Variants in TRIOBP observed in about 807,000 individuals in gnomAD.
TRIOBP encodes the protein TRIO and F-actin-binding protein.
Under a neutral mutation model 238.8 loss-of-function variants are expected in TRIOBP, and 169 were observed. The observed-to-expected ratio is 0.71, with a 90% CI of 0.62 to 0.80. TRIOBP has a LOEUF of 0.80. Ranked by LOEUF, TRIOBP falls within the 30% of genes least tolerant of loss-of-function variation. The pLI is 0.00. For missense variants in TRIOBP, 2,838 were observed against 3,122.6 expected (o/e 0.91, Z 2.17); for synonymous variants, 1,150 against 1,274.4 (o/e 0.90, Z 2.08).
intron 17 of TRIOBP, 127 bp downstream of exon 17, chr22:37,759,391 C>A: frequency 7.9e-7 from 1 of 1,260,702 alleles, no homozygotes; most frequent in Non-Finnish European, 1.2e-6. Flanking sequence ...ATTTGACATG[C>A]GTCATCTCAT....
intron 6 of TRIOBP, among the ~76,000 whole-genome samples, chr22:37,719,466 C>T (rs1302520667): frequency 6.6e-6 from 1 of 152,036 alleles, no homozygotes; most frequent in Non-Finnish European, 1.5e-5. Context: ...GCTTCAGATG[C>T]TCAGGGAAGC....
At chr22:37,709,593 C>T (rs1037602687) in intron 3 of TRIOBP, among the ~76,000 whole-genome samples, 11 of 152,170 alleles carry the variant, frequency 7.2e-5, no homozygotes, top group Admixed American at 2.0e-4. Flanking sequence ...CCAGGTAATC[C>T]GAGAGGAGGC....
intron 6 of TRIOBP, among the ~76,000 whole-genome samples, chr22:37,716,200 C>G (rs1038302306): frequency 6.6e-6 from 1 of 151,464 alleles, no homozygotes; most frequent in African/African-American, 2.4e-5. Flanking sequence ...CAACCTTTGC[C>G]TCCCCAGTTC....
chr22:37,708,666 A>G (rs1923078751), intron 3 of TRIOBP, among the ~76,000 whole-genome samples: 1 of 152,248 alleles, frequency 6.6e-6, no homozygotes, highest in Admixed American at 6.5e-5. Context: ...CAGAGAGGAT[A>G]AGTCACGTGG....
chr22:37,718,221 C>T (rs1171405268), intron 6 of TRIOBP, among the ~76,000 whole-genome samples: 1 of 152,242 alleles, frequency 6.6e-6, no homozygotes, highest in Non-Finnish European at 1.5e-5. Context: ...TCGCGCCTCT[C>T]CCTCCACACC....
chr22:37,767,292 G>A (rs1270988292), intron 18 of TRIOBP, among the ~76,000 whole-genome samples: 47 of 69,906 alleles, frequency 6.7e-4, no homozygotes, highest in African/African-American at 1.9e-3. Flanking sequence ...GTGACAGAGT[G>A]AGACTCTGTC....
intron 11 of TRIOBP, among the ~76,000 whole-genome samples, chr22:37,749,183 C>T (rs1458700127): frequency 2.0e-5 from 3 of 151,996 alleles, no homozygotes; most frequent in Non-Finnish European, 4.4e-5. Context: ...GGTGAAATCC[C>T]ATCTCTACTA....
chr22:37,760,924 A>G (rs1008872447), intron 17 of TRIOBP, among the ~76,000 whole-genome samples: 21 of 151,120 alleles, frequency 1.4e-4, no homozygotes, highest in Non-Finnish European at 2.1e-4. Flanking sequence ...GTGAGCCGAG[A>G]TTGCGCCACG....
intron 17 of TRIOBP, 131 bp from the exon 18 acceptor site, chr22:37,765,539 G>A: frequency 1.6e-6 from 2 of 1,219,016 alleles, no homozygotes; most frequent in Non-Finnish European, 2.3e-6. Context: ...AGGAGCAGGT[G>A]CAGACTGGAG....
At chr22:37,761,139 C>G (rs944310788) in intron 17 of TRIOBP, among the ~76,000 whole-genome samples, 1 of 152,054 alleles carries the variant, frequency 6.6e-6, no homozygotes, top group African/African-American at 2.4e-5. Flanking sequence ...TGGATGCCTC[C>G]AGTGCTGAGC....
intron 13 of TRIOBP, 50 bp downstream of exon 13, chr22:37,755,034 T>C: frequency 6.2e-7 from 1 of 1,611,296 alleles, no homozygotes; most frequent in Non-Finnish European, 8.5e-7. Flanking sequence ...TGGGGTGGCC[T>C]GGCTGGGTTC....
chr22:37,735,775 G>A (rs1924642363), intron 9 of TRIOBP, among the ~76,000 whole-genome samples: 1 of 152,198 alleles, frequency 6.6e-6, no homozygotes, highest in Non-Finnish European at 1.5e-5. Context: ...TGCTGGTGGG[G>A]CATGGGCAAA....
intron 9 of TRIOBP, among the ~76,000 whole-genome samples, chr22:37,737,529 C>T (rs185119207): frequency 2.0e-5 from 3 of 151,920 alleles, no homozygotes; most frequent in East Asian, 3.9e-4. Flanking sequence ...GGCGTGGTGG[C>T]GGGTGCCTGT....
intron 21 of TRIOBP, among the ~76,000 whole-genome samples, chr22:37,771,224 G>C (rs1368216419): frequency 6.6e-6 from 1 of 152,222 alleles, no homozygotes; most frequent in Non-Finnish European, 1.5e-5. Context: ...GAGCTTTTAA[G>C]CCTCCCCAGT....
At chr22:37,736,791 C>G (rs925239404) in intron 9 of TRIOBP, among the ~76,000 whole-genome samples, 3 of 152,130 alleles carry the variant, frequency 2.0e-5, no homozygotes, top group African/African-American at 2.4e-5. Context: ...CCATGCCCGG[C>G]TAATTTTGTG....
At chr22:37,709,682 G>T (rs999656513) in intron 3 of TRIOBP, among the ~76,000 whole-genome samples, 4 of 152,288 alleles carry the variant, frequency 2.6e-5, no homozygotes, top group East Asian at 1.9e-4. Flanking sequence ...GGAGGAATTG[G>T]GGGGGGCCCT....
At chr22:37,761,095 G>A (rs1926221885) in intron 17 of TRIOBP, among the ~76,000 whole-genome samples, 1 of 152,152 alleles carries the variant, frequency 6.6e-6, no homozygotes, top group South Asian at 2.1e-4. Flanking sequence ...GCATTGGCTG[G>A]GGCATGAGAA....
In TRIOBP at chr22:37,768,065, T is replaced by G; in HGVS notation, c.6473-9T>G. The G allele has an allele frequency of 1.2e-6, 2 of 1,608,350 alleles. No homozygotes were observed. Among genetic ancestry groups the G allele is most frequent in the Non-Finnish European group, 1.7e-6 (2 of 1,177,132 alleles). On this transcript the variant is annotated splice_polypyrimidine_tract_variant and intron_variant, in intron 18 of 23. Coordinates refer to ENST00000644935, the MANE Select transcript of TRIOBP (RefSeq NM_001039141.3). Reference sequence around the variant, plus strand: ...CAGTCTCTCTTGTGCCTCTCTGCCCTGCTTCCAGCCATTGAAGCCATGAAG... The same window carrying G: ...CAGTCTCTCTTGTGCCTCTCTGCCCGGCTTCCAGCCATTGAAGCCATGAAG...
chr22:37,707,168 C>A (rs1054648471), intron 3 of TRIOBP, among the ~76,000 whole-genome samples: 7 of 151,332 alleles, frequency 4.6e-5, no homozygotes, highest in Non-Finnish European at 8.9e-5. Flanking sequence ...CCCAGCTACT[C>A]GGGAGGCTGA....
Sources: gnomAD v4.1 joint callset for allele counts (sites outside exome capture counted in the v4.1 genomes callset) on GRCh38, gnomAD v4.1.1 for gene constraint, MANE v1.5 for transcripts, NCBI Gene and HGNC (gene_info 2026-07-23, HGNC 2026-07-21) for gene names.